The following THADA variants were observed in gnomAD, a reference collection of about 807,000 sequenced individuals.
The protein encoded by THADA is THADA armadillo repeat containing.
A neutral mutation model predicts 219.8 loss-of-function variants in THADA; 213 were observed. That is an observed-to-expected ratio of 0.97 (90% CI 0.87 to 1.09). The LOEUF is 1.09. THADA is among the 50% of genes least tolerant of loss of function. THADA has a pLI of 0.00. For synonymous variants in THADA, 1,018 were observed against 828.9 expected (o/e 1.23, Z -3.92); for missense variants, 2,956 against 2,311.3 (o/e 1.28, Z -5.72).
At chr2:43,348,159 C>T (rs1213192372) in intron 29 of THADA, among the ~76,000 whole-genome samples, 1 of 152,202 alleles carries the variant, frequency 6.6e-6, no homozygotes, top group East Asian at 1.9e-4. Flanking sequence ...GGATATTTCA[C>T]ATTAAAGTCA....
chr2:43,574,979 G>C lies in THADA; in HGVS notation c.1086C>G (p.Ser362=). 6.2e-7 allele frequency: 1 copy of C among 1,613,886 alleles called. No individual in the cohort carries two copies. Among genetic ancestry groups the C allele is most frequent in the Non-Finnish European group, 8.5e-7 (1 of 1,179,868 alleles). The part of the protein sequence containing the change: ...LEMFLSRILA[S]WTNSAIQVLE... ...GGACTTGTATGGCTGAATTAGTCCA[G>C]GATGCTAAGATTCTAGACAGAAACA... is the stretch of plus-strand genomic sequence containing the variant. The change falls in exon 11 of 38, where the codon TCC becomes TCG. Residue 362 remains serine, a synonymous_variant. Transcript: ENST00000405975.
chr2:43,515,413 TAC>T lies in THADA; in HGVS notation c.3375-6635_3375-6634del, dbSNP rs1243252976. 6.9e-5 allele frequency among the ~76,000 whole-genome samples: 7 copies of T among 101,002 alleles called. No homozygotes were observed. In the South Asian group the frequency reaches 1.1e-3, roughly 15 times the overall value. 66.3% of individuals were successfully genotyped at this position (101,002 alleles called of 152,430 possible). On this transcript the variant is annotated intron_variant, in intron 22 of 37. Coordinates refer to ENST00000405975, the MANE Select transcript of THADA (RefSeq NM_022065.5). ...ATATATAATATATATAAACTATATA[TAC>T]ACACACACATATAAAACAGATAAGA...
At chr2:43,436,406 T>G (rs1459050861) in intron 26 of THADA, among the ~76,000 whole-genome samples, 3 of 152,150 alleles carry the variant, frequency 2.0e-5, no homozygotes, top group Non-Finnish European at 4.4e-5. Flanking sequence ...CAAACTGTCA[T>G]GAGCACATTA....
chr2:43,473,718 C>G (rs1000291583), intron 26 of THADA, among the ~76,000 whole-genome samples: 3 of 152,032 alleles, frequency 2.0e-5, no homozygotes, highest in Admixed American at 6.6e-5. Context: ...AAGCGATTCT[C>G]CTGCCTCAGC....
intron 22 of THADA, among the ~76,000 whole-genome samples, chr2:43,509,181 C>T (rs1220350622): frequency 6.6e-6 from 1 of 152,078 alleles, no homozygotes; most frequent in Non-Finnish European, 1.5e-5. Context: ...TACACATATT[C>T]AAAGAAAACA....
At chr2:43,286,648 C>A (rs964872992) in intron 35 of THADA, among the ~76,000 whole-genome samples, 1 of 152,002 alleles carries the variant, frequency 6.6e-6, no homozygotes, top group Admixed American at 6.6e-5. Flanking sequence ...TTGCTTGAAA[C>A]CAGGAGGTGG....
At chr2:43,303,744 G>A (rs1375801286) in intron 31 of THADA, among the ~76,000 whole-genome samples, 2 of 121,984 alleles carry the variant, frequency 1.6e-5, no homozygotes, top group African/African-American at 6.1e-5. Context: ...CGGGGGTGGG[G>A]GAGGAATAAT....
At chr2:43,263,897 A>C (rs1572830057) in intron 36 of THADA, among the ~76,000 whole-genome samples, 3 of 150,912 alleles carry the variant, frequency 2.0e-5, no homozygotes, top group South Asian at 4.2e-4. Flanking sequence ...CTCTCACCCC[A>C]CCCCTCAACA....
At chr2:43,548,509 G>C (rs113503996) in intron 20 of THADA, among the ~76,000 whole-genome samples, 1 of 152,200 alleles carries the variant, frequency 6.6e-6, no homozygotes, top group Non-Finnish European at 1.5e-5. Context: ...CTTGAGCTGT[G>C]GTGGGCTCCA....
At chr2:43,482,191 T>G (rs779786004) in intron 26 of THADA, among the ~76,000 whole-genome samples, 21 of 152,210 alleles carry the variant, frequency 1.4e-4, no homozygotes, top group Non-Finnish European at 2.1e-4. Flanking sequence ...AAAGTTAAAA[T>G]GTAATAATAT....
intron 26 of THADA, among the ~76,000 whole-genome samples, chr2:43,439,615 G>T (rs775828472): frequency 4.7e-4 from 72 of 152,090 alleles, no homozygotes; most frequent in Non-Finnish European, 7.9e-4. Flanking sequence ...CTGGCATATT[G>T]TTATAGTTGT....
At chr2:43,525,500 G>C (rs1281608266) in intron 22 of THADA, among the ~76,000 whole-genome samples, 1 of 152,154 alleles carries the variant, frequency 6.6e-6, no homozygotes, top group African/African-American at 2.4e-5. Flanking sequence ...CTCTCTGGGG[G>C]AAGCAAGCTG....
At chr2:43,248,701 G>A (rs73923545) in intron 36 of THADA, among the ~76,000 whole-genome samples, 4,714 of 151,746 alleles carry the variant, frequency 0.031, 204 homozygotes, top group African/African-American at 0.11. Context: ...CATGGAATCC[G>A]TTTTGAAAGT....
At chr2:43,551,697 C>G (rs1696767033) in intron 19 of THADA, 92 bp downstream of exon 19, 4 of 1,161,264 alleles carry the variant, frequency 3.4e-6, no homozygotes, top group Non-Finnish European at 3.4e-6. Context: ...GCTTTTATAT[C>G]TCCCCAAAGA....
chr2:43,389,962 A>G (rs142928600), intron 29 of THADA, among the ~76,000 whole-genome samples: 17 of 152,370 alleles, frequency 1.1e-4, no homozygotes, highest in African/African-American at 4.1e-4. Flanking sequence ...AGCAGAGAAT[A>G]TGCTATAAAT....
chr2:43,414,973 T>C (rs1676753471), intron 28 of THADA, among the ~76,000 whole-genome samples: 2 of 152,196 alleles, frequency 1.3e-5, no homozygotes, highest in African/African-American at 2.4e-5. Flanking sequence ...CACGATGCCA[T>C]GCTTCACTGA....
intron 25 of THADA, among the ~76,000 whole-genome samples, chr2:43,489,939 T>G (rs1306874020): frequency 6.7e-6 from 1 of 149,978 alleles, no homozygotes; most frequent in Non-Finnish European, 1.5e-5. Context: ...TATAGATTAA[T>G]TAATTTGGGG....
At chr2:43,382,292 G>A (rs921090601) in intron 29 of THADA, among the ~76,000 whole-genome samples, 3 of 152,154 alleles carry the variant, frequency 2.0e-5, no homozygotes, top group Non-Finnish European at 4.4e-5. Flanking sequence ...GCATACTAAC[G>A]TAAGATAGTA....
chr2:43,549,472 A>T (rs1696494414), intron 19 of THADA, 104 bp from the exon 20 acceptor site: 1 of 1,183,872 alleles, frequency 8.4e-7, no homozygotes, highest in East Asian at 2.7e-5. Flanking sequence ...AATACTTAAT[A>T]ATCAGCTTTA....
Sources: allele counts gnomAD v4.1 joint callset (sites outside exome capture counted in the v4.1 genomes callset), GRCh38; gene constraint gnomAD v4.1.1; transcripts MANE v1.5; gene names NCBI Gene and HGNC (gene_info 2026-07-23, HGNC 2026-07-21).